The following CNTN1 variants were observed in gnomAD, a reference collection of about 807,000 sequenced individuals.
CNTN1 encodes contactin-1.
CNTN1 carries 38 observed loss-of-function variants against 126.4 expected under a neutral mutation model. The ratio of observed to expected loss-of-function variants is 0.30; its 90% confidence interval spans 0.23 to 0.39. The LOEUF (loss-of-function observed/expected upper bound fraction) is 0.39, where lower values mean the gene tolerates loss of function less well. Ranked by LOEUF, CNTN1 falls within the 10% of genes least tolerant of loss-of-function variation. The pLI is 1.00. For missense variants in CNTN1, 1,009 were observed against 1,248.4 expected (o/e 0.81, Z 2.89); for synonymous variants, 413 against 422.6 (o/e 0.98, Z 0.28).
At chr12:41,055,351 C>T (rs990901234) in intron 23 of CNTN1, among the ~76,000 whole-genome samples, 3 of 152,136 alleles carry the variant, frequency 2.0e-5, no homozygotes, top group South Asian at 4.2e-4. Flanking sequence ...GTTATCATCA[C>T]GACAGTGGGT....
intron 23 of CNTN1, among the ~76,000 whole-genome samples, chr12:41,034,928 G>C (rs1008551119): frequency 6.6e-6 from 1 of 152,180 alleles, no homozygotes; most frequent in Non-Finnish European, 1.5e-5. Context: ...AACTCCTGCA[G>C]TGACTAGGTT....
At chr12:40,781,478 C>T (rs1939801286) in intron 1 of CNTN1, among the ~76,000 whole-genome samples, 1 of 151,868 alleles carries the variant, frequency 6.6e-6, no homozygotes, top group African/African-American at 2.4e-5. Context: ...CTCTCTTTTC[C>T]TAAGGGTTCC....
chr12:40,748,679 C>CA (rs1169309540), intron 1 of CNTN1, among the ~76,000 whole-genome samples: 2 of 151,992 alleles, frequency 1.3e-5, no homozygotes, highest in Non-Finnish European at 2.9e-5. Context: ...CATTTAATCA[C>CA]AAAAAGTAAT....
intron 1 of CNTN1, among the ~76,000 whole-genome samples, chr12:40,874,617 G>T (rs970827239): frequency 6.6e-5 from 10 of 152,038 alleles, no homozygotes; most frequent in Non-Finnish European, 1.2e-4. Context: ...ATTGACAAAT[G>T]AGGCTCTAGT....
chr12:41,032,755 C>A (rs1949174761), intron 23 of CNTN1, among the ~76,000 whole-genome samples: 1 of 152,184 alleles, frequency 6.6e-6, no homozygotes, highest in Non-Finnish European at 1.5e-5. Context: ...ATGTTAGTAA[C>A]CATGTAAAAT....
chr12:40,704,642 A>G (rs1941690974), intron 1 of CNTN1, among the ~76,000 whole-genome samples: 1 of 152,164 alleles, frequency 6.6e-6, no homozygotes, highest in East Asian at 1.9e-4. Flanking sequence ...ATAAACACGT[A>G]TGGTTTCCTG....
At chr12:40,952,544 A>C (rs1199176833) in intron 14 of CNTN1, among the ~76,000 whole-genome samples, 2 of 152,020 alleles carry the variant, frequency 1.3e-5, no homozygotes, top group African/African-American at 4.8e-5. Context: ...TTTTAGTAGT[A>C]TTAATAGCGA....
At chr12:40,862,363 TG>T (rs1943143609) in intron 1 of CNTN1, among the ~76,000 whole-genome samples, 1 of 152,230 alleles carries the variant, frequency 6.6e-6, no homozygotes, top group South Asian at 2.1e-4. Flanking sequence ...GGTCACGGAC[TG>T]GTACCAGTCT....
At chr12:40,852,302 A>G (rs1942749166) in intron 1 of CNTN1, among the ~76,000 whole-genome samples, 1 of 152,312 alleles carries the variant, frequency 6.6e-6, no homozygotes, top group Admixed American at 6.5e-5. Context: ...GGTTGGTATG[A>G]AAGCCATTTT....
At chr12:40,846,792 A>G (rs1942520945) in intron 1 of CNTN1, among the ~76,000 whole-genome samples, 1 of 152,078 alleles carries the variant, frequency 6.6e-6, no homozygotes, top group Admixed American at 6.5e-5. Flanking sequence ...CCTGGGTTCA[A>G]CTGATTCTCC....
chr12:40,902,270 A>T (rs537410091), intron 1 of CNTN1, among the ~76,000 whole-genome samples: 21 of 152,312 alleles, frequency 1.4e-4, no homozygotes, highest in South Asian at 6.2e-4. Flanking sequence ...CTTCATTTTA[A>T]AGACTGACAC....
At chr12:41,064,854 A>T (rs1265879934) in intron 23 of CNTN1, among the ~76,000 whole-genome samples, 1 of 151,684 alleles carries the variant, frequency 6.6e-6, no homozygotes, top group Admixed American at 6.6e-5. Flanking sequence ...AAAAGGTTTA[A>T]TTTTTTTTTA....
At chr12:40,932,191 T>TA (rs1945909903) in intron 7 of CNTN1, among the ~76,000 whole-genome samples, 1 of 151,968 alleles carries the variant, frequency 6.6e-6, no homozygotes. Context: ...TGAATTGTAA[T>TA]AATCTTCACT....
intron 15 of CNTN1, among the ~76,000 whole-genome samples, chr12:40,967,428 C>T (rs1288779034): frequency 2.6e-5 from 4 of 151,890 alleles, no homozygotes; most frequent in African/African-American, 7.3e-5. Context: ...TGCAGTAAGC[C>T]GAGATCGTGC....
intron 1 of CNTN1, among the ~76,000 whole-genome samples, chr12:40,864,019 C>CTT (rs71434336): frequency 0.086 from 7,987 of 92,508 alleles, 495 homozygotes; most frequent in Non-Finnish European, 0.12. Flanking sequence ...CTCTGCTTTC[C>CTT]TTTTTTTTTT....
chr12:40,878,686 A>G (rs994077844), intron 1 of CNTN1, among the ~76,000 whole-genome samples: 3 of 152,210 alleles, frequency 2.0e-5, no homozygotes, highest in Admixed American at 6.5e-5. Context: ...TTAGGAAGTA[A>G]TAACACATTT....
At chr12:40,885,882 A>G (rs1043793814) in intron 1 of CNTN1, among the ~76,000 whole-genome samples, 11 of 152,066 alleles carry the variant, frequency 7.2e-5, no homozygotes, top group African/African-American at 2.7e-4. Context: ...AAGTCTATCA[A>G]TAAATATTTA....
chr12:40,799,839 T>A lies in CNTN1; in HGVS notation c.-77+107247T>A, dbSNP rs1940579745. Among the ~76,000 whole-genome samples, 3 of 152,126 alleles carry A rather than the reference T, an allele frequency of 2.0e-5. No homozygotes were observed. In the South Asian group the frequency reaches 6.2e-4, roughly 32 times the overall value. ...CAGTCCTTACAATATTCCCATGACA[T>A]AGGCATTATTATTAGTAGTAGTATT... On this transcript the variant is annotated intron_variant, in intron 1 of 23. Coordinates refer to ENST00000551295, the MANE Select transcript of CNTN1 (RefSeq NM_001843.4).
intron 1 of CNTN1, among the ~76,000 whole-genome samples, chr12:40,722,476 T>G (rs1024450451): frequency 6.6e-6 from 1 of 152,192 alleles, no homozygotes; most frequent in African/African-American, 2.4e-5. Context: ...TTGTAAGGTC[T>G]CTATTAGATA....
Sources: allele counts gnomAD v4.1 joint callset (sites outside exome capture counted in the v4.1 genomes callset), GRCh38; gene constraint gnomAD v4.1.1; transcripts MANE v1.5; gene names NCBI Gene and HGNC (gene_info 2026-07-23, HGNC 2026-07-21).